Variants in NXPE2 observed in about 807,000 individuals in gnomAD.
NXPE2 encodes the protein NXPE family member 2.
In NXPE2, 34 loss-of-function variants were observed where a neutral mutation model predicts 34.4. The ratio of observed to expected loss-of-function variants is 0.99; its 90% CI spans 0.75 to 1.31. The LOEUF is 1.31. NXPE2 is among the 40% of genes most tolerant of loss of function. NXPE2 has a pLI of 0.00. For missense variants in NXPE2, 649 were observed against 672.5 expected (o/e 0.97, Z 0.39); for synonymous variants, 235 against 231.3 (o/e 1.02, Z -0.15).
chr11:114,711,472 C>T (rs929373592), downstream of NXPE2, among the ~76,000 whole-genome samples: 1 of 152,048 alleles, frequency 6.6e-6, no homozygotes, highest in Non-Finnish European at 1.5e-5. Flanking sequence ...CATTTCTATA[C>T]CAATGACCAA....
At chr11:114,628,603 T>G in the NXPE2 span, among the ~76,000 whole-genome samples, 1 of 146,766 alleles carries the variant, frequency 6.8e-6, no homozygotes, top group East Asian at 2.0e-4. Context: ...ACATCACAAT[T>G]AAAAGAACTA....
chr11:114,680,638 A>G, intron 2 of NXPE2, among the ~76,000 whole-genome samples: 1 of 151,740 alleles, frequency 6.6e-6, no homozygotes. Context: ...GAAGTCTGGG[A>G]GCCTTCTGCC....
the NXPE2 span, among the ~76,000 whole-genome samples, chr11:114,578,080 T>G: frequency 6.6e-6 from 1 of 152,170 alleles, no homozygotes; most frequent in Non-Finnish European, 1.5e-5. Context: ...CAGGGCTAAC[T>G]GCTTTGTAGT....
the NXPE2 span, among the ~76,000 whole-genome samples, chr11:114,597,228 A>C: frequency 6.6e-6 from 1 of 152,188 alleles, no homozygotes; most frequent in Non-Finnish European, 1.5e-5. Flanking sequence ...TGAAATAATA[A>C]AAAATGTTTG....
the NXPE2 span, among the ~76,000 whole-genome samples, chr11:114,562,627 C>T: frequency 6.6e-6 from 1 of 152,316 alleles, no homozygotes; most frequent in Admixed American, 6.5e-5. Flanking sequence ...TCTGTAATCT[C>T]TCTTATTTAT....
chr11:114,530,571 G>A, the NXPE2 span: 1 of 1,613,958 alleles, frequency 6.2e-7, no homozygotes, highest in Non-Finnish European at 8.5e-7. Context: ...CGTCAGTGCT[G>A]GGGAGGACAT....
chr11:114,469,994 G>A, the NXPE2 span, among the ~76,000 whole-genome samples: 1 of 152,020 alleles, frequency 6.6e-6, no homozygotes, highest in Admixed American at 6.5e-5. Context: ...CATTTATTTT[G>A]TGATATCCAT....
the NXPE2 span, among the ~76,000 whole-genome samples, chr11:114,565,623 G>C: frequency 1.3e-5 from 2 of 151,480 alleles, no homozygotes; most frequent in African/African-American, 4.9e-5. Flanking sequence ...TAGGGAGTTG[G>C]AGTGATCTAG....
chr11:114,535,586 A>T, the NXPE2 span, among the ~76,000 whole-genome samples: 1 of 152,250 alleles, frequency 6.6e-6, no homozygotes, highest in Non-Finnish European at 1.5e-5. Context: ...GGATGGAGGA[A>T]GATCTACCAA....
the NXPE2 span, among the ~76,000 whole-genome samples, chr11:114,670,473 C>T: frequency 1.3e-5 from 2 of 151,892 alleles, no homozygotes; most frequent in Non-Finnish European, 2.9e-5. Context: ...GTGGTAGGAT[C>T]CCTTGAGGCT....
At chr11:114,525,104 G>A in the NXPE2 span, among the ~76,000 whole-genome samples, 2 of 151,898 alleles carry the variant, frequency 1.3e-5, no homozygotes, top group Admixed American at 1.3e-4. Context: ...AGATCTGGGG[G>A]TAATGGTGTG....
At chr11:114,550,988 G>A in the NXPE2 span, 2 of 623,836 alleles carry the variant, frequency 3.2e-6, no homozygotes, top group Non-Finnish European at 5.7e-6. Flanking sequence ...AGAAGATAGG[G>A]CAGTAGTTGA....
the NXPE2 span, among the ~76,000 whole-genome samples, chr11:114,556,136 C>A: frequency 6.6e-6 from 1 of 152,138 alleles, no homozygotes; most frequent in African/African-American, 2.4e-5. Flanking sequence ...GGGAGAATTG[C>A]TCTAGTAACA....
the NXPE2 span, among the ~76,000 whole-genome samples, chr11:114,467,157 T>C: frequency 6.6e-6 from 1 of 152,204 alleles, no homozygotes; most frequent in Non-Finnish European, 1.5e-5. Context: ...CATCTATCTG[T>C]AGTGAAAGCA....
the NXPE2 span, among the ~76,000 whole-genome samples, chr11:114,600,933 C>T: frequency 2.6e-5 from 4 of 151,910 alleles, no homozygotes; most frequent in African/African-American, 9.7e-5. Context: ...ATATAGTTCT[C>T]CATGAAATGA....
chr11:114,811,111 T>C, the NXPE2 span, among the ~76,000 whole-genome samples: 1 of 141,956 alleles, frequency 7.0e-6, no homozygotes, highest in South Asian at 2.2e-4. Flanking sequence ...CGCATGTTCT[T>C]GCTCATAGGT....
chr11:114,617,574 G>A, the NXPE2 span, among the ~76,000 whole-genome samples: 164 of 152,062 alleles, frequency 1.1e-3, no homozygotes, highest in African/African-American at 3.7e-3. Context: ...GTTGCCTCAC[G>A]GGTAACCGGT....
At chr11:114,690,977 G>A (rs941378087) in intron 2 of NXPE2, among the ~76,000 whole-genome samples, 1 of 151,758 alleles carries the variant, frequency 6.6e-6, no homozygotes, top group African/African-American at 2.4e-5. Context: ...CCAAATCTTG[G>A]ATCATTTTTT....
downstream of NXPE2, among the ~76,000 whole-genome samples, chr11:114,710,067 A>G (rs1354841949): frequency 6.6e-6 from 1 of 152,174 alleles, no homozygotes; most frequent in African/African-American, 2.4e-5. Context: ...CAAAAATACA[A>G]CACACTAAAA....
Sources: gnomAD v4.1 joint callset for allele counts (sites outside exome capture counted in the v4.1 genomes callset) on GRCh38, gnomAD v4.1.1 for gene constraint, MANE v1.5 for transcripts, NCBI Gene and HGNC (gene_info 2026-07-23, HGNC 2026-07-21) for gene names.